Variants in HNF4A observed in about 807,000 individuals in gnomAD.
HNF4A encodes the protein hepatocyte nuclear factor 4-alpha.
In HNF4A, 15 loss-of-function variants were observed where a neutral mutation model predicts 52.4. The ratio of observed to expected loss-of-function variants is 0.29; its 90% CI spans 0.19 to 0.44. HNF4A has a LOEUF of 0.44. Among genes scored for constraint, HNF4A ranks in the 20% least tolerant of loss-of-function variants. HNF4A has a pLI of 1.00. For missense variants in HNF4A, 479 were observed against 647.2 expected (o/e 0.74, Z 2.82); for synonymous variants, 280 against 264.4 (o/e 1.06, Z -0.57).
chr20:44,362,157 C>T (rs77417744), intron 1 of HNF4A, among the ~76,000 whole-genome samples: 85 of 151,536 alleles, frequency 5.6e-4, no homozygotes, highest in African/African-American at 2.0e-3. Flanking sequence ...GTGGATTACA[C>T]GCCTGTAATC....
intron 1 of HNF4A, chr20:44,402,458 G>A (rs1253640191): frequency 4.2e-6 from 3 of 710,516 alleles, no homozygotes; most frequent in African/African-American, 1.8e-5. Context: ...GCGGTCTCTG[G>A]TGTGCACGAC....
intron 1 of HNF4A, among the ~76,000 whole-genome samples, chr20:44,385,173 G>A (rs574253913): frequency 5.3e-4 from 78 of 148,078 alleles, no homozygotes; most frequent in Admixed American, 2.0e-3. Context: ...CTAGGGAAGG[G>A]TAATAATTGG....
chr20:44,429,592 G>C lies in HNF4A; in HGVS notation c.1352G>C (p.Gly451Ala). The C allele has an allele frequency of 1.2e-6, 2 of 1,613,960 alleles. No homozygotes were observed. Among genetic ancestry groups the C allele is most frequent in the Non-Finnish European group, 1.7e-6 (2 of 1,179,998 alleles). The change falls in exon 10 of 10, where the codon GGA becomes GCA. Residue 451 changes from glycine to alanine, a missense_variant. Physicochemically the swap from Gly to Ala is moderately conservative, Grantham distance 60. Coordinates refer to ENST00000316099, the MANE Select transcript of HNF4A (RefSeq NM_000457.6). ...TCTGAGCCCTATAAGCTCCTGCCGG[G>C]AGCCGTCGCCACAATCGTCAAGCCC...
At chr20:44,358,437 C>G (rs1265916462) in intron 1 of HNF4A, among the ~76,000 whole-genome samples, 2 of 151,758 alleles carry the variant, frequency 1.3e-5, no homozygotes, top group Non-Finnish European at 2.9e-5. Flanking sequence ...TGGCAAAACC[C>G]CGTCTCTACT....
upstream of HNF4A, among the ~76,000 whole-genome samples, chr20:44,396,946 T>C (rs1431681649): frequency 2.0e-5 from 3 of 152,176 alleles, no homozygotes; most frequent in African/African-American, 7.2e-5. Flanking sequence ...CTAAGAAGCT[T>C]ATCTACTCTC....
intron 7 of HNF4A, among the ~76,000 whole-genome samples, chr20:44,422,552 A>G (rs1253679464): frequency 2.6e-5 from 4 of 151,952 alleles, no homozygotes; most frequent in African/African-American, 9.7e-5. Context: ...TAAATATTGT[A>G]TGACCGCTTA....
intron 1 of HNF4A, among the ~76,000 whole-genome samples, chr20:44,365,965 A>C (rs747829896): frequency 1.3e-5 from 2 of 152,094 alleles, no homozygotes; most frequent in African/African-American, 2.4e-5. Context: ...CGAGATTACA[A>C]CACCACACTC....
chr20:44,396,506 C>T (rs2063354569), upstream of HNF4A, among the ~76,000 whole-genome samples: 1 of 152,154 alleles, frequency 6.6e-6, no homozygotes, highest in Admixed American at 6.5e-5. Context: ...AGGTCCTCTG[C>T]TATCCCCTGG....
chr20:44,433,626 A>C (rs763527073), downstream of HNF4A: 1 of 152,344 alleles, frequency 6.6e-6, no homozygotes, highest in Non-Finnish European at 1.5e-5. Flanking sequence ...GGATGCAGTG[A>C]GCTATGAATG....
rs1471529572 is a variant in HNF4A at position 44,414,443 on chromosome 20, A to G, written c.493-64A>G. The G allele has an allele frequency of 3.7e-6, 6 of 1,607,152 alleles. No individual in the cohort carries two copies. In the East Asian group the frequency reaches 6.7e-5, roughly 18 times the overall value. ...TGATTCCAGGGAGGGGGCTCTGTGCAGGGGACAGAGAGTGCGGGAGGGCCC... is the reference window on the plus strand; with the variant it reads ...TGATTCCAGGGAGGGGGCTCTGTGCGGGGGACAGAGAGTGCGGGAGGGCCC... On this transcript the variant is annotated intron_variant, in intron 4 of 9. Transcript: ENST00000316099.
At chr20:44,386,026 AT>A (rs1260611121) in intron 1 of HNF4A, among the ~76,000 whole-genome samples, 3 of 119,538 alleles carry the variant, frequency 2.5e-5, no homozygotes, top group Middle Eastern at 5.7e-3. Flanking sequence ...CGCCTGGCTA[AT>A]TTTTTTTTTA....
chr20:44,434,500 C>G (rs988837643), downstream of HNF4A: 1 of 145,214 alleles, frequency 6.9e-6, no homozygotes, highest in South Asian at 2.2e-4. Context: ...TTCATGCTGC[C>G]GCCATCGGGG....
At chr20:44,400,473 A>C (rs1196585953), upstream of HNF4A, among the ~76,000 whole-genome samples, 1 of 151,692 alleles carries the variant, frequency 6.6e-6, no homozygotes, top group African/African-American at 2.4e-5. Context: ...AGGCTCGGAG[A>C]GGAGAATCAT....
chr20:44,428,258 C>G, intron 8 of HNF4A, 77 bp from the exon 9 acceptor site: 5 of 1,506,974 alleles, frequency 3.3e-6, no homozygotes, highest in Non-Finnish European at 4.6e-6. Context: ...ATTGGCCACG[C>G]CTGAGGAAGA....
chr20:44,425,020 C>A (rs542230491), intron 8 of HNF4A, among the ~76,000 whole-genome samples: 17 of 152,350 alleles, frequency 1.1e-4, no homozygotes, highest in African/African-American at 3.8e-4. Flanking sequence ...CTCCCTCAAT[C>A]ATCCAGGCTG....
intron 1 of HNF4A, among the ~76,000 whole-genome samples, chr20:44,396,174 G>A (rs149524258): frequency 0.017 from 2,555 of 152,176 alleles, 39 homozygotes; most frequent in South Asian, 0.073. Context: ...CCTCCCTTAC[G>A]AGCTGTGTGG....
intron 7 of HNF4A, 103 bp downstream of exon 7, chr20:44,419,979 T>G: frequency 8.2e-7 from 1 of 1,217,108 alleles, no homozygotes; most frequent in Non-Finnish European, 1.2e-6. Context: ...CCTCATCTCA[T>G]GTTAACGACA....
At chr20:44,367,524 C>T (rs1180204690) in intron 1 of HNF4A, among the ~76,000 whole-genome samples, 1 of 150,506 alleles carries the variant, frequency 6.6e-6, no homozygotes, top group Non-Finnish European at 1.5e-5. Context: ...GGCTGTAGTC[C>T]CAGCTACTCA....
rs1460162318 is a variant in HNF4A, at chr20:44,432,127, G to T, written c.*2462G>T. The T allele has an allele frequency of 2.0e-5, 3 of 152,170 alleles. No individual in the cohort carries two copies. Among genetic ancestry groups the T allele is most frequent in the Non-Finnish European group, 4.4e-5 (3 of 68,040 alleles). The allele number at this position is 152,170 out of a possible 1,614,324, so 9.4% of individuals were successfully genotyped here. A position where few individuals can be genotyped will look rare whatever the true frequency, so the allele number is the denominator to read the frequency against. On this transcript the variant is annotated 3_prime_UTR_variant, in exon 10 of 10. Coordinates refer to ENST00000316099, the MANE Select transcript of HNF4A (RefSeq NM_000457.6). Reference sequence around the variant, plus strand: ...CTCAGACCTCTGTCTTGGGAGAAAGGTTGAGATAAGAATGTCCCATGGAGT... The same window carrying T: ...CTCAGACCTCTGTCTTGGGAGAAAGTTTGAGATAAGAATGTCCCATGGAGT...
Sources: gnomAD v4.1 joint callset for allele counts (sites outside exome capture counted in the v4.1 genomes callset) on GRCh38, gnomAD v4.1.1 for gene constraint, MANE v1.5 for transcripts, NCBI Gene and HGNC (gene_info 2026-07-23, HGNC 2026-07-21) for gene names.